NPEPL1: variants seen among roughly 807,000 people sequenced by gnomAD.
NPEPL1 encodes the protein aminopeptidase like 1, also known as probable aminopeptidase NPEPL1.
Under a neutral mutation model 52.4 loss-of-function variants are expected in NPEPL1, and 45 were observed. The observed-to-expected ratio is 0.86, with a 90% confidence interval of 0.68 to 1.10. The LOEUF is 1.10. Among genes scored for constraint, NPEPL1 ranks in the 50% least tolerant of loss-of-function variants. The pLI is 0.00. For missense variants in NPEPL1, 696 were observed against 710.9 expected, an observed-to-expected ratio of 0.98 and a Z score of 0.24; for synonymous variants, 360 against 314.7, an observed-to-expected ratio of 1.14 and a Z score of -1.52.
rs2084495859 is a variant in NPEPL1 at position 58,696,554 on chromosome 20, C to G, written c.507+1962C>G. Among the ~76,000 whole-genome samples, 3 of 152,220 alleles carry G rather than the reference C, an allele frequency of 2.0e-5. No individual in the cohort carries two copies. In the South Asian group the frequency reaches 6.2e-4, roughly 32 times the overall value. ...GCAGTCAGTCCCCATGGCCCCCGAC[C>G]CCATTGGTCCCAACTAGCTAGTGTG... On this transcript the variant is annotated intron_variant, in intron 3 of 11. Transcript: ENST00000356091.
At chr20:58,707,545 CT>C (rs1211174180) in intron 7 of NPEPL1, among the ~76,000 whole-genome samples, 1 of 152,240 alleles carries the variant, frequency 6.6e-6, no homozygotes, top group Non-Finnish European at 1.5e-5. Context: ...ACACGTTGTT[CT>C]GCGTACCCCT....
upstream of NPEPL1, among the ~76,000 whole-genome samples, chr20:58,689,636 G>A (rs1247368511): frequency 2.0e-5 from 3 of 152,094 alleles, no homozygotes; most frequent in Non-Finnish European, 4.4e-5. Context: ...CAATTCCTTG[G>A]TCAGGGATCA....
chr20:58,712,097 C>T (rs2084857984), intron 7 of NPEPL1, among the ~76,000 whole-genome samples: 1 of 115,448 alleles, frequency 8.7e-6, no homozygotes, highest in Non-Finnish European at 2.0e-5. Context: ...CTCTTCCTGC[C>T]CCTCTGTGTG....
At chr20:58,691,081 G>GAAGTCCTATTACA, upstream of NPEPL1, 1 of 702,548 alleles carries the variant, frequency 1.4e-6, no homozygotes, top group Non-Finnish European at 2.6e-6. Context: ...TTCGCCTGTG[G>GAAGTCCTATTACA]AAGTCCTATT....
intron 4 of NPEPL1, 104 bp from the exon 5 acceptor site, chr20:58,699,093 G>A (rs964565925): frequency 7.2e-6 from 8 of 1,107,750 alleles, no homozygotes; most frequent in Admixed American, 2.0e-5. Context: ...GCTCCCCGAC[G>A]CGGCACAGGC....
At chr20:58,703,708 G>T in intron 6 of NPEPL1, 2 of 984,764 alleles carry the variant, frequency 2.0e-6, no homozygotes, top group South Asian at 4.7e-5. Flanking sequence ...GACCTGTGCA[G>T]TTAGTCAGCT....
intron 11 of NPEPL1, 144 bp from the exon 12 acceptor site, chr20:58,715,024 G>T: frequency 1.1e-6 from 1 of 940,602 alleles, no homozygotes; most frequent in South Asian, 1.7e-5. Flanking sequence ...GAAGGCTCTG[G>T]GCTCCGGCTG....
chr20:58,696,870 G>A (rs1397466323), intron 3 of NPEPL1, among the ~76,000 whole-genome samples: 4 of 143,436 alleles, frequency 2.8e-5, no homozygotes, highest in Non-Finnish European at 4.8e-5. Flanking sequence ...GTGGCTCACC[G>A]GGGCCACGGC....
chr20:58,694,993 GGT>G (rs1401523091), intron 3 of NPEPL1, among the ~76,000 whole-genome samples: 3 of 9,480 alleles, frequency 3.2e-4, no homozygotes, highest in African/African-American at 3.2e-4. Flanking sequence ...ATGTGTGGGG[GGT>G]GTGTGTGTGC....
At chr20:58,697,471 G>A (rs2084517013) in intron 3 of NPEPL1, among the ~76,000 whole-genome samples, 2 of 152,236 alleles carry the variant, frequency 1.3e-5, no homozygotes, top group African/African-American at 4.8e-5. Context: ...AGCTGTCAAG[G>A]TCCAGGTTTC....
At chr20:58,704,876 T>G (rs930435154) in intron 6 of NPEPL1, among the ~76,000 whole-genome samples, 22 of 152,382 alleles carry the variant, frequency 1.4e-4, no homozygotes, top group Admixed American at 1.3e-3. Flanking sequence ...AATAGACTTT[T>G]GGGCTCTGTG....
upstream of NPEPL1, chr20:58,691,698 T>TC: frequency 1.2e-5 from 3 of 242,260 alleles, no homozygotes; most frequent in Non-Finnish European, 1.9e-5. Flanking sequence ...CTTTTCTTTT[T>TC]TTTTTTTTTT....
upstream of NPEPL1, chr20:58,691,854 G>A: frequency 6.8e-7 from 1 of 1,466,192 alleles, no homozygotes; most frequent in African/African-American, 1.4e-5. Flanking sequence ...GCTTTTAAAT[G>A]ACTCCTGGGT....
chr20:58,706,817 C>T (rs893622583), intron 6 of NPEPL1, among the ~76,000 whole-genome samples: 2 of 152,206 alleles, frequency 1.3e-5, no homozygotes, highest in Non-Finnish European at 2.9e-5. Context: ...TCTGCAGCTC[C>T]GGGCATCTCC....
rs2084386017 is a variant in NPEPL1 at position 58,693,003 on chromosome 20, C to T, written c.103C>T (p.Pro35Ser). The change falls in exon 1 of 12, where the codon CCC becomes TCC. Residue 35 changes from proline to serine, a missense_variant. Pro to Ser is a moderately conservative substitution (Grantham distance 74). Transcript: ENST00000356091. Reference sequence around the variant, plus strand: ...GCAGCTGCACCACCTGCACCGCGTGCCCTGGAGCCACGTCCGCGGGAAGCT... The same window carrying T: ...GCAGCTGCACCACCTGCACCGCGTGTCCTGGAGCCACGTCCGCGGGAAGCT... ...LGQLHHLHRV[P>S]WSHVRGKLQP... is the part of the protein sequence containing the mutation. 3 of 1,138,272 alleles carry T rather than the reference C, an allele frequency of 2.6e-6. No individual in the cohort carries two copies. Among genetic ancestry groups the T allele is most frequent in the African/African-American group, 3.3e-5 (2 of 60,238 alleles). The allele number at this position is 1,138,272 out of a possible 1,614,324, so 70.5% of individuals were successfully genotyped here.
intron 11 of NPEPL1, 149 bp downstream of exon 11, chr20:58,714,819 C>G (rs2084922066): frequency 1.5e-6 from 1 of 661,370 alleles, no homozygotes; most frequent in South Asian, 1.8e-5. Context: ...ACCCCCAGGT[C>G]TCATCCTCCC....
Position 58,715,288 on chromosome 20 carries a change from G to A in NPEPL1, c.1534G>A (p.Asp512Asn), listed in dbSNP as rs765068166. Residue 512 changes from aspartate to asparagine, a missense_variant, in exon 12 of 12, where the codon GAC becomes AAC. Transcript: ENST00000356091. ...LGCEVDVEEG[D>N]LGRDSKRRRL... ...CTGTGAGGTGGATGTCGAGGAGGGG[G>A]ACCTGGGGAGGGACTCCAAGAGACG... 1 of 1,611,376 alleles carries A rather than the reference G, an allele frequency of 6.2e-7. No homozygotes were observed. The highest frequency in any genetic ancestry group is 1.3e-5 in the African/African-American group (1 of 74,900).
At chr20:58,708,008 C>T (rs369524246) in intron 7 of NPEPL1, among the ~76,000 whole-genome samples, 7 of 152,120 alleles carry the variant, frequency 4.6e-5, no homozygotes, top group African/African-American at 1.4e-4. Flanking sequence ...CGATTGAGCC[C>T]GGGAGGTTGA....
At chr20:58,692,259 G>A (rs2084363871), upstream of NPEPL1, 3 of 195,114 alleles carry the variant, frequency 1.5e-5, no homozygotes, top group South Asian at 1.0e-4. This position sits in a 1 kb window ranked among gnomAD's most constrained non-coding sequence, Gnocchi z 5.7. Context: ...TCTGATAAAC[G>A]CCAGGGAACC....
Sources: gnomAD v4.1 joint callset for allele counts (sites outside exome capture counted in the v4.1 genomes callset) on GRCh38, gnomAD v4.1.1 for gene constraint, Gnocchi (gnomAD v3.1) non-coding constraint, MANE v1.5 for transcripts, NCBI Gene and HGNC (gene_info 2026-07-23, HGNC 2026-07-21) for gene names.